Variants in ABL1 observed in about 807,000 individuals in gnomAD.
The protein encoded by ABL1 is ABL proto-oncogene 1, non-receptor tyrosine kinase.
In ABL1, 11 loss-of-function variants were observed where a neutral mutation model predicts 94.7. The observed-to-expected ratio is 0.12, with a 90% CI of 0.07 to 0.19. ABL1 has a LOEUF of 0.19. Ranked by LOEUF, ABL1 falls within the 10% of genes least tolerant of loss-of-function variation. The pLI is 1.00. For synonymous variants in ABL1, 656 were observed against 622.4 expected, an observed-to-expected ratio of 1.05 and a Z score of -0.80; for missense variants, 1,082 against 1,489.4, an observed-to-expected ratio of 0.73 and a Z score of 4.50.
rs76876012 is a variant in ABL1, at chr9:130,720,068, G to A, written c.136+5613G>A. ...CACTTAGTAGTCAACTTTTTCCTTA[G>A]TGTTTCCTTCTTCCTTCAACAAACA... On this transcript the variant is annotated intron_variant, in intron 1 of 10. Coordinates refer to the ABL1 transcript ENST00000372348. 3.9e-4 allele frequency among the ~76,000 whole-genome samples: 59 copies of A among 152,296 alleles called. No homozygotes were observed. In the East Asian group the frequency reaches 0.011, roughly 29 times the overall value.
At chr9:130,753,725 C>T (rs556036792) in intron 1 of ABL1, among the ~76,000 whole-genome samples, 1 of 151,924 alleles carries the variant, frequency 6.6e-6, no homozygotes, top group African/African-American at 2.4e-5. Flanking sequence ...CATGCCAGGC[C>T]TCATCTCCTC....
intron 1 of ABL1, among the ~76,000 whole-genome samples, chr9:130,730,046 C>CTTTTTTTTTTTTTTTTTTTTTTTTT (rs138446676): frequency 9.3e-6 from 1 of 107,168 alleles, no homozygotes; most frequent in Non-Finnish European, 1.9e-5. Context: ...CCCAGCCAGA[C>CTTTTTTTTTTTTTTTTTTTTTTTTT]TTTTTTTTTT....
chr9:130,720,792 C>T (rs1831504337), intron 1 of ABL1, among the ~76,000 whole-genome samples: 1 of 152,058 alleles, frequency 6.6e-6, no homozygotes, highest in Non-Finnish European at 1.5e-5. Flanking sequence ...AGTGGTGGCA[C>T]TGGGTGGAGG....
chr9:130,754,424 C>T (rs1260415244), intron 1 of ABL1, among the ~76,000 whole-genome samples: 67 of 143,868 alleles, frequency 4.7e-4, no homozygotes, highest in Non-Finnish European at 8.9e-4. Flanking sequence ...AGGAGAATGG[C>T]GTGAACCTGG....
At chr9:130,728,369 G>T (rs1471468012) in intron 1 of ABL1, among the ~76,000 whole-genome samples, 8 of 135,812 alleles carry the variant, frequency 5.9e-5, no homozygotes, top group East Asian at 4.3e-4. Context: ...TACCTGGCTG[G>T]TTTTTTTTTT....
chr9:130,844,949 C>T (rs1336637744), intron 1 of ABL1, among the ~76,000 whole-genome samples: 2 of 152,116 alleles, frequency 1.3e-5, no homozygotes, highest in Admixed American at 6.6e-5. Flanking sequence ...TAATTTTTCC[C>T]ATCAGAGGAC....
chr9:130,779,562 A>G (rs1829729868), intron 1 of ABL1, among the ~76,000 whole-genome samples: 1 of 152,156 alleles, frequency 6.6e-6, no homozygotes, highest in Non-Finnish European at 1.5e-5. Flanking sequence ...TTAGTCCTCT[A>G]TACATTTAGC....
At chr9:130,804,452 C>T (rs949611600) in intron 1 of ABL1, among the ~76,000 whole-genome samples, 3 of 152,074 alleles carry the variant, frequency 2.0e-5, no homozygotes, top group African/African-American at 7.3e-5. Flanking sequence ...GGGCGTGTGG[C>T]GCATGCCTGT....
chr9:130,820,998 C>T (rs928098720), intron 1 of ABL1, among the ~76,000 whole-genome samples: 8 of 151,956 alleles, frequency 5.3e-5, no homozygotes, highest in Admixed American at 3.9e-4. Flanking sequence ...GGTGCAATCT[C>T]GGCTCACTGC....
In ABL1 at chr9:130,769,381, G is replaced by A. The variant is rs148759237; in HGVS notation, c.136+54926G>A. On this transcript the variant is annotated intron_variant, in intron 1 of 10. Transcript: ENST00000372348. ...TGGAGTTTCGCTCTTGTCCAGGCTG[G>A]AGTGCAATGGTGCTATCTTGGCTTA... Among the ~76,000 whole-genome samples the A allele has an allele frequency of 5.8e-3, 787 of 135,640 alleles. 4 individuals carry two copies. The highest frequency in any genetic ancestry group is 0.02 in the African/African-American group (732 of 36,326). 89.0% of individuals were successfully genotyped at this position (135,640 alleles called of 152,430 possible). A position where few individuals can be genotyped will look rare whatever the true frequency, so the allele number is the denominator to read the frequency against.
intron 1 of ABL1, among the ~76,000 whole-genome samples, chr9:130,771,118 C>G (rs1832245781): frequency 3.9e-5 from 6 of 152,154 alleles, no homozygotes; most frequent in Admixed American, 3.9e-4. Context: ...TAAAAGTGTA[C>G]TAAAAACATT....
At chr9:130,882,493 G>A (rs1831475022) in intron 10 of ABL1, among the ~76,000 whole-genome samples, 1 of 152,128 alleles carries the variant, frequency 6.6e-6, no homozygotes. Flanking sequence ...ACCTCTGAGG[G>A]AGAATTCTGT....
intron 1 of ABL1, among the ~76,000 whole-genome samples, chr9:130,756,880 G>T (rs751252363): frequency 3.3e-5 from 5 of 152,106 alleles, no homozygotes; most frequent in African/African-American, 7.2e-5. Flanking sequence ...TTTGCCTTGA[G>T]CTCATGGTTT....
In ABL1 at chr9:130,728,230, A is replaced by ATT. The variant is rs55915035; in HGVS notation, c.136+13792_136+13793dup. On this transcript the variant is annotated intron_variant, in intron 1 of 10. Coordinates refer to the ABL1 transcript ENST00000372348. ...GGGCATGCGCCACCATGTCCAGCTG[A>ATT]TTTTTTTTTTTTTTTTTTGTGGAGA... 3.3e-3 allele frequency among the ~76,000 whole-genome samples: 334 copies of ATT among 102,550 alleles called. 10 individuals are homozygous for ATT. The highest frequency in any genetic ancestry group is 0.01 in the Middle Eastern group (2 of 196). The allele number at this position is 102,550 out of a possible 152,430, so 67.3% of individuals were successfully genotyped here.
chr9:130,819,423 C>G (rs3020754), intron 1 of ABL1, among the ~76,000 whole-genome samples: 138,454 of 152,196 alleles, frequency 0.91, 63,197 homozygotes, highest in East Asian at 0.98. Context: ...ATCACAGCTG[C>G]CTCTCTAATG....
intron 1 of ABL1, among the ~76,000 whole-genome samples, chr9:130,734,304 C>T (rs900612235): frequency 6.6e-6 from 1 of 150,386 alleles, no homozygotes; most frequent in African/African-American, 2.5e-5. Flanking sequence ...AGCTCTGTCT[C>T]CTGGGTTCAT....
rs774385545 is a variant in ABL1, at chr9:130,883,949, C to T, written c.1679-20C>T. ...CTCTAGAGTTGTCTGGAGTTGTCAG[C>T]TCTTCCCCTTGCGTTTCAGATCCTC... On this transcript the variant is annotated intron_variant, in intron 10 of 10. Transcript: ENST00000318560. 1.3e-6 allele frequency: 2 copies of T among 1,594,784 alleles called. No homozygotes were observed. The highest frequency in any genetic ancestry group is 1.7e-6 in the Non-Finnish European group (2 of 1,172,062).
intron 6 of ABL1, 34 bp from the exon 7 acceptor site, chr9:130,874,834 G>A: frequency 6.2e-7 from 1 of 1,609,004 alleles, no homozygotes; most frequent in Non-Finnish European, 8.5e-7. Flanking sequence ...AGGTTGGCCA[G>A]GAGCTCTCAT....
upstream of ABL1, among the ~76,000 whole-genome samples, chr9:130,831,552 G>A (rs552512838): frequency 3.9e-5 from 6 of 152,138 alleles, no homozygotes; most frequent in South Asian, 6.2e-4. Flanking sequence ...ATTCCTGTTC[G>A]TCCTATTCCC....
Sources: gnomAD v4.1 joint callset for allele counts (sites outside exome capture counted in the v4.1 genomes callset) on GRCh38, gnomAD v4.1.1 for gene constraint, MANE v1.5 for transcripts, NCBI Gene and HGNC (gene_info 2026-07-23, HGNC 2026-07-21) for gene names.